The following PDZRN3 variants were observed in gnomAD, a reference collection of about 807,000 sequenced individuals.
The protein encoded by PDZRN3 is E3 ubiquitin-protein ligase PDZRN3.
A neutral mutation model predicts 85.7 loss-of-function variants in PDZRN3; 38 were observed. The ratio of observed to expected loss-of-function variants is 0.44; its 90% CI spans 0.34 to 0.58. PDZRN3 has a LOEUF of 0.58. Among genes scored for constraint, PDZRN3 ranks in the 20% least tolerant of loss-of-function variants. The pLI, the probability that PDZRN3 is intolerant of heterozygous loss-of-function variation, is 0.01. For missense variants in PDZRN3, 1,629 were observed against 1,506.4 expected (o/e 1.08, Z -1.35); for synonymous variants, 759 against 638.0 (o/e 1.19, Z -2.86).
chr3:73,545,604 C>T (rs1259669480), intron 3 of PDZRN3, among the ~76,000 whole-genome samples: 1 of 152,112 alleles, frequency 6.6e-6, no homozygotes, highest in Non-Finnish European at 1.5e-5. Context: ...GAGGAATTGC[C>T]AATGTCCAAC....
At chr3:73,544,624 G>A (rs181942289) in intron 3 of PDZRN3, among the ~76,000 whole-genome samples, 5 of 151,042 alleles carry the variant, frequency 3.3e-5, no homozygotes, top group Admixed American at 3.3e-4. Context: ...CCACTCTGTG[G>A]TGCCGAGATA....
intron 3 of PDZRN3, among the ~76,000 whole-genome samples, chr3:73,527,330 T>C (rs938604492): frequency 6.6e-6 from 1 of 152,184 alleles, no homozygotes; most frequent in Non-Finnish European, 1.5e-5. Flanking sequence ...TAAATGGTTT[T>C]TAAGGCCACA....
chr3:73,490,973 T>C (rs924331203), intron 3 of PDZRN3, among the ~76,000 whole-genome samples: 1 of 152,244 alleles, frequency 6.6e-6, no homozygotes, highest in East Asian at 1.9e-4. Context: ...AACTGCAATA[T>C]CAGGAGACAG....
intron 3 of PDZRN3, among the ~76,000 whole-genome samples, chr3:73,507,573 G>A (rs1704090144): frequency 6.6e-6 from 1 of 152,206 alleles, no homozygotes; most frequent in South Asian, 2.1e-4. Context: ...GAGCTTTCCA[G>A]TGCTTTTAGA....
intron 3 of PDZRN3, among the ~76,000 whole-genome samples, chr3:73,497,798 G>A (rs761169286): frequency 1.7e-4 from 26 of 149,154 alleles, no homozygotes; most frequent in Admixed American, 4.6e-4. Context: ...CCGGCACAGC[G>A]CCCCCCGTCC....
rs571988742 is a variant in PDZRN3 at position 73,388,672 on chromosome 3, G to A, written c.1417-603C>T. On this transcript the variant is annotated intron_variant, in intron 7 of 9. Transcript: ENST00000263666. ...GAGGTCTTAGTCCTGGTGGAACGCC[G>A]CCTCCAGGGGACACAGCAATGGTTC... 1.1e-4 allele frequency among the ~76,000 whole-genome samples: 16 copies of A among 152,016 alleles called. No individual in the cohort carries two copies. The South Asian group carries it at 2.1e-3, about 20-fold the overall frequency.
intron 1 of PDZRN3, among the ~76,000 whole-genome samples, chr3:73,616,726 T>C (rs1029421754): frequency 2.0e-5 from 3 of 152,242 alleles, no homozygotes; most frequent in East Asian, 1.9e-4. Context: ...CAGCACTTAA[T>C]AGACAGTCAA....
At chr3:73,550,886 G>A (rs1018731050) in intron 3 of PDZRN3, among the ~76,000 whole-genome samples, 7 of 152,226 alleles carry the variant, frequency 4.6e-5, no homozygotes, top group African/African-American at 1.4e-4. Flanking sequence ...ATACTCTGAA[G>A]TGTCTCTGCC....
At chr3:73,491,251 T>G (rs1276574689) in intron 3 of PDZRN3, among the ~76,000 whole-genome samples, 1 of 152,034 alleles carries the variant, frequency 6.6e-6, no homozygotes, top group Non-Finnish European at 1.5e-5. Context: ...CTTCAGGGAG[T>G]GTACTAAGAT....
intron 5 of PDZRN3, among the ~76,000 whole-genome samples, chr3:73,393,495 C>G (rs1390221096): frequency 6.6e-6 from 1 of 152,170 alleles, no homozygotes; most frequent in African/African-American, 2.4e-5. Context: ...TCTCACTGGA[C>G]AAGGTGTAGA....
chr3:73,575,730 A>G (rs1387138004), intron 3 of PDZRN3, among the ~76,000 whole-genome samples: 1 of 152,176 alleles, frequency 6.6e-6, no homozygotes, highest in Non-Finnish European at 1.5e-5. Context: ...CCATCAGATG[A>G]CGGAATGGGA....
chr3:73,423,675 G>A (rs895084988), intron 3 of PDZRN3, among the ~76,000 whole-genome samples: 19 of 152,116 alleles, frequency 1.2e-4, no homozygotes, highest in African/African-American at 4.1e-4. Flanking sequence ...GATGAAGAAT[G>A]CTTTATATAT....
At chr3:73,410,989 A>C (rs1294854717) in intron 3 of PDZRN3, among the ~76,000 whole-genome samples, 1 of 152,238 alleles carries the variant, frequency 6.6e-6, no homozygotes, top group Non-Finnish European at 1.5e-5. Flanking sequence ...CTTGGCAACA[A>C]GCTGTTTCTA....
At chr3:73,399,912 C>T (rs1701716148) in intron 5 of PDZRN3, among the ~76,000 whole-genome samples, 1 of 152,182 alleles carries the variant, frequency 6.6e-6, no homozygotes, top group South Asian at 2.1e-4. Context: ...TTTTTAACTT[C>T]TGTCTTGGAA....
chr3:73,548,085 C>T (rs556415874), intron 3 of PDZRN3, among the ~76,000 whole-genome samples: 4 of 152,210 alleles, frequency 2.6e-5, no homozygotes, highest in African/African-American at 9.6e-5. Flanking sequence ...AATGTTAAAG[C>T]GGGGGAAGCT....
chr3:73,465,493 T>C (rs1343083589), intron 3 of PDZRN3, among the ~76,000 whole-genome samples: 4 of 152,206 alleles, frequency 2.6e-5, no homozygotes, highest in Admixed American at 2.0e-4. Flanking sequence ...CAAAACAAAA[T>C]ACAAAATATC....
chr3:73,527,220 T>C (rs1455526784), intron 3 of PDZRN3, among the ~76,000 whole-genome samples: 1 of 152,146 alleles, frequency 6.6e-6, no homozygotes, highest in Non-Finnish European at 1.5e-5. Context: ...GGAGACAATA[T>C]ATGGAGAAGG....
At chr3:73,559,893 G>C (rs73838568) in intron 3 of PDZRN3, among the ~76,000 whole-genome samples, 21 of 152,280 alleles carry the variant, frequency 1.4e-4, no homozygotes, top group African/African-American at 4.6e-4. Flanking sequence ...TTCTTCCTTA[G>C]AGTCAATATT....
intron 5 of PDZRN3, among the ~76,000 whole-genome samples, chr3:73,395,507 T>G (rs1701616991): frequency 1.3e-5 from 2 of 152,158 alleles, no homozygotes; most frequent in South Asian, 4.1e-4. Context: ...TGAAGAGTAT[T>G]AAGAGGGCCA....
Sources: gnomAD v4.1 joint callset for allele counts (sites outside exome capture counted in the v4.1 genomes callset) on GRCh38, gnomAD v4.1.1 for gene constraint, MANE v1.5 for transcripts, NCBI Gene and HGNC (gene_info 2026-07-23, HGNC 2026-07-21) for gene names.